The following VPS51 variants were observed in gnomAD, a reference collection of about 807,000 sequenced individuals.
VPS51 encodes the protein VPS51 subunit of GARP complex, also known as vacuolar protein sorting-associated protein 51 homolog.
Under a neutral mutation model 65.1 loss-of-function variants are expected in VPS51, and 55 were observed. The observed-to-expected ratio is 0.84, with a 90% CI of 0.68 to 1.06. The LOEUF is 1.06. Among genes scored for constraint, VPS51 ranks in the 50% least tolerant of loss-of-function variants. The pLI, the probability that VPS51 is intolerant of heterozygous loss-of-function variation, is 0.00. For synonymous variants in VPS51, 473 were observed against 489.5 expected (o/e 0.97, Z 0.44); for missense variants, 943 against 1,101.6 (o/e 0.86, Z 2.04).
In VPS51 at chr11:65,107,210, C is replaced by T; in HGVS notation, c.359-371C>T. The T allele has an allele frequency of 2.0e-6, 1 of 489,318 alleles. No individual in the cohort carries two copies. The allele number at this position is 489,318 out of a possible 1,614,324, so 30.3% of individuals were successfully genotyped here. ...AGGCAGTGCGCTGGACACGCAGATG[C>T]GCTTGGGAGCCAGCGGTCCCTGCCT... is the stretch of plus-strand genomic sequence containing the variant. On this transcript the variant is annotated intron_variant, in intron 2 of 9. Coordinates refer to ENST00000279281, the MANE Select transcript of VPS51 (RefSeq NM_013265.4). The surrounding 1 kb of genome is among the most constrained non-coding windows in gnomAD (Gnocchi z 4.0).
rs554125966 is a variant in VPS51, at chr11:65,108,182, C to T, written c.726-15C>T. On this transcript the variant is annotated splice_polypyrimidine_tract_variant and intron_variant, in intron 4 of 9. Transcript: ENST00000279281. Reference sequence around the variant, plus strand: ...CAGCCCCGGCCCTGCCCTTCACTACCTCTCCCTCGTGCAGGGAGGGCGGCT... The same window carrying T: ...CAGCCCCGGCCCTGCCCTTCACTACTTCTCCCTCGTGCAGGGAGGGCGGCT... 3.4e-5 allele frequency: 54 copies of T among 1,596,886 alleles called. No homozygotes were observed. The South Asian group carries it at 4.9e-4, about 14-fold the overall frequency.
In VPS51 at chr11:65,108,338, C is replaced by T. The variant is rs771553710; in HGVS notation, c.867C>T (p.Ala289=). 4.3e-6 allele frequency: 7 copies of T among 1,611,162 alleles called. No individual in the cohort carries two copies. Among genetic ancestry groups the T allele is most frequent in the South Asian group, 1.1e-5 (1 of 90,894 alleles). ...AGAAGGAGCTGAGAAACCTGGAGGC[C>T]GAGCTGGGGCCCTCACCTCCGGCTC... The part of the protein sequence containing the change: ...RLEKELRNLE[A]ELGPSPPAPD... The change falls in exon 5 of 10, where the codon GCC becomes GCT. Residue 289 remains alanine (A), a synonymous_variant. Transcript: ENST00000279281.
intron 2 of VPS51, among the ~76,000 whole-genome samples, chr11:65,102,334 A>G (rs373429949): frequency 3.9e-5 from 6 of 152,164 alleles, no homozygotes; most frequent in African/African-American, 7.2e-5. Context: ...TTGAAATGCA[A>G]AGATAAACAG....
Position 65,111,655 on chromosome 11 carries a change from C to T in VPS51, c.*68C>T. ...GCACCCAGGATCTGGTCTCGGTGGT[C>T]CTTCCCCGCAGGCAGGTGTCAGGAC... On this transcript the variant is annotated 3_prime_UTR_variant, in exon 10 of 10. Coordinates refer to ENST00000279281, the MANE Select transcript of VPS51 (RefSeq NM_013265.4). The T allele has an allele frequency of 2.0e-6, 3 of 1,470,566 alleles. No individual in the cohort carries two copies. Among genetic ancestry groups the T allele is most frequent in the Non-Finnish European group, 2.7e-6 (3 of 1,108,878 alleles). The allele number at this position is 1,470,566 out of a possible 1,614,324, so 91.1% of individuals were successfully genotyped here.
chr11:65,110,381 C>T (rs1947885030), intron 7 of VPS51, 101 bp from the exon 8 acceptor site: 4 of 1,589,224 alleles, frequency 2.5e-6, no homozygotes, highest in Non-Finnish European at 3.4e-6. Flanking sequence ...CCCTGTGATC[C>T]TTGTGATGCT....
At chr11:65,096,944 G>T (rs1405271953) in intron 1 of VPS51, 54 bp from the exon 2 acceptor site, 1 of 1,607,404 alleles carries the variant, frequency 6.2e-7, no homozygotes, top group East Asian at 2.2e-5. Context: ...TGCAGGCAAG[G>T]CTGGGGGACA....
chr11:65,103,207 G>T (rs1419398249), intron 2 of VPS51, among the ~76,000 whole-genome samples: 1 of 152,122 alleles, frequency 6.6e-6, no homozygotes, highest in Non-Finnish European at 1.5e-5. Flanking sequence ...TTATAAGTGT[G>T]CATCACCATG....
chr11:65,108,578 G>T lies in VPS51; in HGVS notation c.1107G>T (p.Val369=), dbSNP rs1947862289. 6.5e-7 allele frequency: 1 copy of T among 1,550,320 alleles called. No homozygotes were observed. Among genetic ancestry groups the T allele is most frequent in the Non-Finnish European group, 8.7e-7 (1 of 1,154,590 alleles). The change falls in exon 5 of 10, where the codon GTG becomes GTT. Residue 369 remains valine, a synonymous_variant. Coordinates refer to ENST00000279281, the MANE Select transcript of VPS51 (RefSeq NM_013265.4). ...GTGGTGGTGACAACTCACTGCTGGT[G>T]CGGGCGCTGGACCGCTTCCACCGGC... The part of the protein sequence containing the change: ...EQGGGDNSLL[V]RALDRFHRRL...
chr11:65,103,333 A>G (rs1343849556), intron 2 of VPS51, among the ~76,000 whole-genome samples: 3 of 152,356 alleles, frequency 2.0e-5, no homozygotes, highest in East Asian at 3.9e-4. Context: ...GATGTTTCAC[A>G]TCATGTGATT....
Position 65,107,678 on chromosome 11 carries a change from C to T in VPS51, c.456C>T (p.Arg152=). ...NMAVITDFSA[R]ISATLQDRHE... ...CAGTGATCACCGACTTCAGCGCTCG[C>T]ATCAGCGCCACGCTGCAGGACCGCC... is the stretch of plus-strand genomic sequence containing the variant. Residue 152 remains arginine (R), a synonymous_variant, in exon 3 of 10, where the codon CGC becomes CGT. Coordinates refer to ENST00000279281, the MANE Select transcript of VPS51 (RefSeq NM_013265.4). The surrounding 1 kb of genome is among the most constrained non-coding windows in gnomAD (Gnocchi z 4.0). 1 of 1,610,426 alleles carries T rather than the reference C, an allele frequency of 6.2e-7. No homozygotes were observed. Among genetic ancestry groups the T allele is most frequent in the Non-Finnish European group, 8.5e-7 (1 of 1,177,692 alleles).
Position 65,107,991 on chromosome 11 carries a change from C to G in VPS51, c.694C>G (p.Arg232Gly). Residue 232 changes from arginine (R) to glycine (G), a missense_variant, in exon 4 of 10, where the codon CGC becomes GGC. Around this residue, in one of 2 missense-constraint regions of VPS51, gnomAD observed 855 missense variants for 953.7 expected, o/e 0.90. Transcript: ENST00000279281. The surrounding 1 kb of genome is among the most constrained non-coding windows in gnomAD (Gnocchi z 4.0). Reference sequence around the variant, plus strand: ...GGACGACTGCCAGGTCATCACGGCCCGCCTGGCCCAGCAGCTGCGGCAGCG... The same window carrying G: ...GGACGACTGCCAGGTCATCACGGCCGGCCTGGCCCAGCAGCTGCGGCAGCG... The part of the protein sequence containing the change: ...IQDDCQVITA[R>G]LAQQLRQRFR... The G allele has an allele frequency of 5.2e-6, 8 of 1,551,750 alleles. No individual in the cohort carries two copies. The highest frequency in any genetic ancestry group is 7.0e-6 in the Non-Finnish European group (8 of 1,150,036).
intron 6 of VPS51, 74 bp from the exon 7 acceptor site, chr11:65,109,631 G>T: frequency 6.6e-7 from 1 of 1,514,284 alleles, no homozygotes. Context: ...TCTGTGCCCA[G>T]CTCCTGGTTG....
rs972705409 is a variant in VPS51 at position 65,108,304 on chromosome 11, G to A, written c.833G>A (p.Gly278Asp). The A allele has an allele frequency of 3.1e-6, 5 of 1,606,650 alleles. No homozygotes were observed. The highest frequency in any genetic ancestry group is 3.4e-5 in the Admixed American group (2 of 59,090). The change falls in exon 5 of 10, where the codon GGC (glycine) becomes GAC (aspartate). Residue 278 changes from glycine to aspartate, a missense_variant. Around this residue, in one of 2 missense-constraint regions of VPS51, gnomAD observed 855 missense variants for 953.7 expected, o/e 0.90. Coordinates refer to ENST00000279281, the MANE Select transcript of VPS51 (RefSeq NM_013265.4). ...LCEEFLAHAR[G>D]RLEKELRNLE... ...GAGGAGTTCCTGGCGCACGCCCGCG[G>A]CCGGCTGGAGAAGGAGCTGAGAAAC...
chr11:65,096,490 C>A lies in VPS51; in HGVS notation c.228+12C>A. 2.0e-6 allele frequency: 1 copy of A among 487,914 alleles called. No homozygotes were observed. Among genetic ancestry groups the A allele is most frequent in the Non-Finnish European group, 3.1e-6 (1 of 318,104 alleles). 30.2% of individuals were successfully genotyped at this position (487,914 alleles called of 1,614,324 possible). A position where few individuals can be genotyped will look rare whatever the true frequency, so the allele number is the denominator to read the frequency against. On this transcript the variant is annotated intron_variant, in intron 1 of 9. Coordinates refer to ENST00000279281, the MANE Select transcript of VPS51 (RefSeq NM_013265.4). ...TTTACCTAGACAAGGTGTGTGCGCA[C>A]GGGGAGTGGGGGGGTGCGGGGAGGG...
Position 65,097,062 on chromosome 11 carries a change from G to A in VPS51, c.293G>A (p.Arg98Gln), listed in dbSNP as rs1590808933. The change falls in exon 2 of 10, where the codon CGG becomes CAG. Residue 98 changes from arginine (R) to glutamine (Q), a missense_variant. Coordinates refer to ENST00000279281, the MANE Select transcript of VPS51 (RefSeq NM_013265.4). ...GAGACGGACATGGTGCGGCAGATCC[G>A]GGCTCTAGACAGCGACATGCAGACC... is the stretch of plus-strand genomic sequence containing the variant. ...DSETDMVRQI[R>Q]ALDSDMQTLV... 9 of 1,613,916 alleles carry A rather than the reference G, an allele frequency of 5.6e-6. No homozygotes were observed. The highest frequency in any genetic ancestry group is 7.6e-6 in the Non-Finnish European group (9 of 1,180,000).
intron 2 of VPS51, among the ~76,000 whole-genome samples, chr11:65,098,289 G>A (rs1002028166): frequency 2.0e-5 from 3 of 152,158 alleles, no homozygotes; most frequent in African/African-American, 7.2e-5. Context: ...AAGAATAGGT[G>A]GTCTTGTCCC....
intron 4 of VPS51, 42 bp downstream of exon 4, chr11:65,108,064 C>G (rs1270097397): frequency 2.7e-6 from 4 of 1,488,326 alleles, no homozygotes; most frequent in Non-Finnish European, 3.6e-6. Context: ...CCGCCAGCCC[C>G]GAGCCCCATC....
chr11:65,106,467 C>A (rs1947842078), intron 2 of VPS51, among the ~76,000 whole-genome samples: 1 of 152,154 alleles, frequency 6.6e-6, no homozygotes, highest in Admixed American at 6.5e-5. Flanking sequence ...AACCATCAGA[C>A]CTCGTCGGGT....
Position 65,107,787 on chromosome 11 carries a change from A to G in VPS51, c.506-16A>G. 6.3e-7 allele frequency: 1 copy of G among 1,597,814 alleles called. No individual in the cohort carries two copies. The highest frequency in any genetic ancestry group is 8.5e-7 in the Non-Finnish European group (1 of 1,173,592). ...TTCCTGGGGCTCTGGGGCTAACGTC[A>G]CCCTCCGTCCCCCAGGGGTCCACGC... On this transcript the variant is annotated splice_polypyrimidine_tract_variant and intron_variant, in intron 3 of 9. Transcript: ENST00000279281. The surrounding 1 kb of genome is among the most constrained non-coding windows in gnomAD (Gnocchi z 4.0).
Sources: gnomAD v4.1 joint callset for allele counts (sites outside exome capture counted in the v4.1 genomes callset) on GRCh38, gnomAD v4.1.1 for gene constraint, gnomAD v4.1.1 regional missense constraint, Gnocchi (gnomAD v3.1) non-coding constraint, MANE v1.5 for transcripts, NCBI Gene and HGNC (gene_info 2026-07-23, HGNC 2026-07-21) for gene names.